Variants in ADCY4 observed in about 807,000 individuals in gnomAD.
ADCY4 encodes adenylate cyclase type 4.
In ADCY4, 111 loss-of-function variants were observed where a neutral mutation model predicts 125.5. The observed-to-expected ratio is 0.88, with a 90% CI of 0.76 to 1.04. The LOEUF (loss-of-function observed/expected upper bound fraction) is 1.04, where lower values mean the gene tolerates loss of function less well. Among genes scored for constraint, ADCY4 ranks in the 50% least tolerant of loss-of-function variants. The probability of loss-of-function intolerance (pLI) is 0.00; values close to 1 mark genes in which losing one functional copy is unlikely to be tolerated. For missense variants in ADCY4, 1,256 were observed against 1,382.9 expected (o/e 0.91, Z 1.46); for synonymous variants, 576 against 586.9 (o/e 0.98, Z 0.27).
rs1451100225 is a variant in ADCY4, at chr14:24,324,019, A to C, written c.2046+43T>G. The C allele has an allele frequency of 1.9e-6, 3 of 1,601,942 alleles. No homozygotes were observed. In the African/African-American group the frequency reaches 4.0e-5, roughly 21 times the overall value. On this transcript the variant is annotated intron_variant, in intron 16 of 24. Coordinates refer to ENST00000418030, the MANE Select transcript of ADCY4 (RefSeq NM_001198568.2). The stretch of plus-strand genomic sequence containing the variant: ...TTCCCTTTCAGTCCCTGGCAGGTCC[A>C]ACATGCCCTCATGGGGGTGGATAGG...
chr14:24,318,450 G>C lies in ADCY4; in HGVS notation c.3200C>G (p.Thr1067Arg). ...LCTYFLNTDLTRTGPPSATLG is the reference protein window; with the variant it reads ...LCTYFLNTDLRRTGPPSATLG ...GGTAGCTGAAGGAGGTCCAGTTCGT[G>C]TCAAGTCTGTGTTCAGGAAGTAGGT... The change falls in exon 25 of 25, where the codon ACA becomes AGA. Residue 1067 changes from threonine to arginine, a missense_variant. By Grantham distance (71) the Thr-to-Arg change is moderately conservative. Transcript: ENST00000418030. 1 of 1,614,196 alleles carries C rather than the reference G, an allele frequency of 6.2e-7. No individual in the cohort carries two copies. The highest frequency in any genetic ancestry group is 8.5e-7 in the Non-Finnish European group (1 of 1,180,008).
At position 24,322,219 on chromosome 14, in the gene ADCY4, C is replaced by G; in HGVS notation, c.2433G>C (p.Glu811Asp). ...FTLLVLARQNEYYCRLDFLWK... is the reference protein window; with the variant it reads ...FTLLVLARQNDYYCRLDFLWK... Reference sequence around the variant, plus strand: ...ACAGGAAGTCCAGGCGGCAGTAGTACTCATTCTGGGGAGGGTCACCCGGGG... The same window carrying G: ...ACAGGAAGTCCAGGCGGCAGTAGTAGTCATTCTGGGGAGGGTCACCCGGGG... Residue 811 changes from glutamate (E) to aspartate (D), a missense_variant, in exon 20 of 25, where the codon GAG becomes GAC. Physicochemically the swap from Glu to Asp is conservative, Grantham distance 45. Transcript: ENST00000418030. The G allele has an allele frequency of 6.2e-7, 1 of 1,612,790 alleles. No homozygotes were observed. Among genetic ancestry groups the G allele is most frequent in the Non-Finnish European group, 8.5e-7 (1 of 1,179,108 alleles).
chr14:24,334,463 G>C (rs756248748), intron 1 of ADCY4, 31 bp downstream of exon 1: 1 of 1,564,562 alleles, frequency 6.4e-7, no homozygotes, highest in African/African-American at 1.4e-5. Context: ...TCCCCAGGTA[G>C]AGACCCTCCC....
At chr14:24,323,165 C>G (rs1469622446) in intron 17 of ADCY4, 77 bp from the exon 18 acceptor site, 2 of 1,518,548 alleles carry the variant, frequency 1.3e-6, no homozygotes, top group Non-Finnish European at 1.8e-6. Context: ...CCCTTCCTGT[C>G]CCTCCCAGGC....
chr14:24,326,837 G>A (rs2041954198), intron 10 of ADCY4, among the ~76,000 whole-genome samples: 1 of 150,088 alleles, frequency 6.7e-6, no homozygotes. Context: ...TAGGTGATCC[G>A]CCTGCCTCGG....
chr14:24,325,777 A>C (rs1278527597), intron 13 of ADCY4, 41 bp downstream of exon 13: 1 of 1,569,864 alleles, frequency 6.4e-7, no homozygotes, highest in South Asian at 1.2e-5. Flanking sequence ...CAAGGAACTA[A>C]AGTTGGGAAG....
rs759976246 is a variant in ADCY4, at chr14:24,329,487, A to AAGCCCCTGCCAGCAGGGCCAGGGT, written c.1240_1263dup (p.Thr414_Ala421dup). 2 of 1,571,970 alleles carry AAGCCCCTGCCAGCAGGGCCAGGGT rather than the reference A, an allele frequency of 1.3e-6. No homozygotes were observed. The highest frequency in any genetic ancestry group is 8.6e-7 in the Non-Finnish European group (1 of 1,162,272). On this transcript the variant is annotated inframe_insertion, in exon 9 of 25. Coordinates refer to ENST00000418030, the MANE Select transcript of ADCY4 (RefSeq NM_001198568.2). ...TCCATGCCTGCGTCCTCCACAGCAT[A>AAGCCCCTGCCAGCAGGGCCAGGGT]AGCCCCTGCCAGCAGGGCCAGGGTA...
chr14:24,334,868 C>T lies in ADCY4; in HGVS notation c.-216G>A. On this transcript the variant is annotated 5_prime_UTR_variant, in exon 1 of 25. Transcript: ENST00000418030. ...GATGAGGGGATCCCTCAGTCCTTTCCTCCTCCTCCCTCAAACCCGGATTGT... is the reference window on the plus strand; with the variant it reads ...GATGAGGGGATCCCTCAGTCCTTTCTTCCTCCTCCCTCAAACCCGGATTGT... 1 of 536,284 alleles carries T rather than the reference C, an allele frequency of 1.9e-6. No homozygotes were observed. 33.2% of individuals were successfully genotyped at this position (536,284 alleles called of 1,614,324 possible). A position where few individuals can be genotyped will look rare whatever the true frequency, so the allele number is the denominator to read the frequency against.
At position 24,332,550 on chromosome 14, in the gene ADCY4, G is replaced by A. The variant is rs577626046; in HGVS notation, c.491C>T (p.Pro164Leu). ...LVLGLYLGPQ[P>L]DSRPALLPQL... ...CGGCAGCAGTGCAGGCCGTGAGTCCGGCTGTGGCCCAAGATACAGCCCGAG... is the reference window on the plus strand; with the variant it reads ...CGGCAGCAGTGCAGGCCGTGAGTCCAGCTGTGGCCCAAGATACAGCCCGAG... The change falls in exon 3 of 25, where the codon CCG becomes CTG. Residue 164 changes from proline to leucine, a missense_variant. Transcript: ENST00000418030. The A allele has an allele frequency of 2.5e-6, 4 of 1,572,852 alleles. No individual in the cohort carries two copies. In the Admixed American group the frequency reaches 5.6e-5, roughly 22 times the overall value.
intron 6 of ADCY4, chr14:24,330,695 C>G (rs2042027449): frequency 2.8e-6 from 1 of 363,292 alleles, no homozygotes; most frequent in Non-Finnish European, 5.0e-6. Context: ...GAAGGGCCTC[C>G]TAAGGTTAGA....
intron 1 of ADCY4, among the ~76,000 whole-genome samples, chr14:24,333,959 T>C (rs529301650): frequency 5.3e-5 from 8 of 152,272 alleles, no homozygotes; most frequent in South Asian, 4.1e-4. Flanking sequence ...GCCCGGTGAT[T>C]TTCCCACCTT....
chr14:24,322,747 C>G (rs1165669954), intron 18 of ADCY4, 39 bp from the exon 19 acceptor site: 1 of 1,602,028 alleles, frequency 6.2e-7, no homozygotes, highest in African/African-American at 1.3e-5. Context: ...CTTGCTTTCC[C>G]CCTTCCTGGC....
rs1323332840 is a variant in ADCY4, at chr14:24,334,622, G to C, written c.31C>G (p.Pro11Ala). Reference protein sequence around the residue: MARLFSPRPPPSEDLFYETYY... With the variant: MARLFSPRPPASEDLFYETYY... Reference sequence around the variant, plus strand: ...GTCTCGTAGAAGAGGTCTTCGCTGGGGGGCGGCCGGGGGCTGAAGAGGCGG... The same window carrying C: ...GTCTCGTAGAAGAGGTCTTCGCTGGCGGGCGGCCGGGGGCTGAAGAGGCGG... Residue 11 changes from proline (P) to alanine (A), a missense_variant, in exon 1 of 25, where the codon CCC becomes GCC. Transcript: ENST00000418030. 1 of 1,555,618 alleles carries C rather than the reference G, an allele frequency of 6.4e-7. No individual in the cohort carries two copies. The highest frequency in any genetic ancestry group is 2.4e-5 in the East Asian group (1 of 41,654).
At chr14:24,333,040 CT>C in intron 1 of ADCY4, 52 bp from the exon 2 acceptor site, 1 of 1,481,416 alleles carries the variant, frequency 6.8e-7, no homozygotes, top group Non-Finnish European at 9.0e-7. Context: ...AGGAACGAAC[CT>C]GATAAAGGAA....
At chr14:24,323,559 C>A in intron 16 of ADCY4, 105 bp from the exon 17 acceptor site, 1 of 1,500,392 alleles carries the variant, frequency 6.7e-7, no homozygotes. Context: ...GAAGACTCGT[C>A]CAAAGGGGTG....
At chr14:24,323,898 G>A (rs193248509) in intron 16 of ADCY4, among the ~76,000 whole-genome samples, 164 bp downstream of exon 16, 1 of 152,324 alleles carries the variant, frequency 6.6e-6, no homozygotes, top group East Asian at 1.9e-4. Context: ...ATGCCCAGAT[G>A]GTAGATTGCT....
intron 13 of ADCY4, 124 bp downstream of exon 13, chr14:24,325,694 A>T: frequency 8.5e-7 from 1 of 1,174,380 alleles, no homozygotes; most frequent in Non-Finnish European, 1.2e-6. Context: ...GAGAGGCACA[A>T]GCTCCTCACC....
At chr14:24,328,767 C>T (rs563580154) in intron 10 of ADCY4, 42 of 371,626 alleles carry the variant, frequency 1.1e-4, no homozygotes, top group African/African-American at 6.4e-4. Context: ...TACACTCTCT[C>T]GTCGTCGCAC....
chr14:24,332,334 G>T, intron 3 of ADCY4, 188 bp downstream of exon 3: 1 of 633,014 alleles, frequency 1.6e-6, no homozygotes, highest in Non-Finnish European at 2.6e-6. Context: ...GTGTGGCCTG[G>T]ATCCCTCTTC....
Sources: allele counts gnomAD v4.1 joint callset (sites outside exome capture counted in the v4.1 genomes callset), GRCh38; gene constraint gnomAD v4.1.1; transcripts MANE v1.5; gene names NCBI Gene and HGNC (gene_info 2026-07-23, HGNC 2026-07-21).